Variants in KLF7 observed in about 807,000 individuals in gnomAD.
The protein encoded by KLF7 is Krueppel-like factor 7.
In KLF7, 2 loss-of-function variants were observed where a neutral mutation model predicts 27.3. The observed-to-expected ratio is 0.07, with a 90% CI of 0.03 to 0.23. KLF7 has a LOEUF of 0.23. KLF7 is among the 10% of genes least tolerant of loss of function. The pLI is 1.00. For missense variants in KLF7, 221 were observed against 394.1 expected, an observed-to-expected ratio of 0.56 and a Z score of 3.72; for synonymous variants, 165 against 162.4, an observed-to-expected ratio of 1.02 and a Z score of -0.12.
intron 2 of KLF7, among the ~76,000 whole-genome samples, chr2:207,099,550 C>CTATATATATATATATATATATATATATA (rs1359258095): frequency 1.1e-3 from 24 of 22,840 alleles, no homozygotes; most frequent in South Asian, 3.6e-3. Context: ...GCTACATATG[C>CTATATATATATATATATATATATATATA]GATATATATA....
At chr2:207,085,808 G>A (rs1280265222) in intron 3 of KLF7, among the ~76,000 whole-genome samples, 3 of 152,258 alleles carry the variant, frequency 2.0e-5, no homozygotes, top group South Asian at 2.1e-4. Flanking sequence ...GGGAGTGATG[G>A]GAACAGTGGA....
chr2:207,131,153 T>C (rs1264977384), intron 1 of KLF7, among the ~76,000 whole-genome samples: 1 of 152,202 alleles, frequency 6.6e-6, no homozygotes, highest in East Asian at 1.9e-4. Flanking sequence ...TGAGATCAGA[T>C]CTGGATCTGA....
chr2:207,125,429 T>C (rs1160092070), intron 1 of KLF7, among the ~76,000 whole-genome samples: 1 of 152,216 alleles, frequency 6.6e-6, no homozygotes, highest in Non-Finnish European at 1.5e-5. Context: ...TTGCTCTATC[T>C]TCTGGATTCA....
chr2:207,144,273 G>A (rs558783437), intron 1 of KLF7, among the ~76,000 whole-genome samples: 81 of 152,232 alleles, frequency 5.3e-4, no homozygotes, highest in South Asian at 2.5e-3. Context: ...TCATGTCAAG[G>A]GACTAACCTA....
In KLF7 at chr2:207,124,373, G is replaced by T; in HGVS notation, c.134C>A (p.Thr45Lys). ...GGTCTCTGAGATCCTCCGGGGCTCC[G>T]TCTGTAGGTAGCGTTCCAATTCAAG... ...TCLELERYLQTEPRRISETFG... is the reference protein window; with the variant it reads ...TCLELERYLQKEPRRISETFG... The change falls in exon 2 of 4, where the codon ACG becomes AAG. Residue 45 changes from threonine (T) to lysine (K), a missense_variant. Around this residue, in one of 3 missense-constraint regions of KLF7, gnomAD observed 180 missense variants for 227.9 expected, o/e 0.79. Coordinates refer to ENST00000309446, the MANE Select transcript of KLF7 (RefSeq NM_003709.4). 6.3e-7 allele frequency: 1 copy of T among 1,580,290 alleles called. No individual in the cohort carries two copies. Among genetic ancestry groups the T allele is most frequent in the Non-Finnish European group, 8.6e-7 (1 of 1,158,970 alleles).
intron 1 of KLF7, among the ~76,000 whole-genome samples, chr2:207,146,193 G>A (rs1486092420): frequency 6.6e-6 from 1 of 152,198 alleles, no homozygotes; most frequent in African/African-American, 2.4e-5. Flanking sequence ...GTGTTTTTGA[G>A]ATTCTCCTGT....
At chr2:207,085,954 T>G (rs1288129896) in intron 3 of KLF7, among the ~76,000 whole-genome samples, 3 of 151,228 alleles carry the variant, frequency 2.0e-5, no homozygotes, top group African/African-American at 7.3e-5. Context: ...ACAAACTTTT[T>G]TGTGTGACAT....
intron 1 of KLF7, among the ~76,000 whole-genome samples, chr2:207,145,417 T>A (rs2078072374): frequency 6.6e-6 from 1 of 152,210 alleles, no homozygotes; most frequent in Admixed American, 6.5e-5. Context: ...TATGACAACT[T>A]TTTTGCTTAG....
chr2:207,086,689 G>A (rs74780414), intron 3 of KLF7, among the ~76,000 whole-genome samples: 2,371 of 152,278 alleles, frequency 0.016, 27 homozygotes, highest in Middle Eastern at 0.054. Flanking sequence ...ATCAACTGCT[G>A]GAAGGTTGTA....
upstream of KLF7, chr2:207,167,158 G>A: frequency 7.0e-7 from 1 of 1,438,048 alleles, no homozygotes; most frequent in Non-Finnish European, 9.1e-7. Context: ...CTCCAGCGAG[G>A]TGTCTGCAGA....
intron 2 of KLF7, among the ~76,000 whole-genome samples, chr2:207,102,854 T>C (rs1479796098): frequency 6.6e-6 from 1 of 152,216 alleles, no homozygotes; most frequent in Non-Finnish European, 1.5e-5. Flanking sequence ...TCCTTTGCAA[T>C]TGCTTGTTGA....
chr2:207,102,786 T>G (rs557966520), intron 2 of KLF7, among the ~76,000 whole-genome samples: 1 of 152,118 alleles, frequency 6.6e-6, no homozygotes, highest in Admixed American at 6.5e-5. Flanking sequence ...TAGGTAAGAG[T>G]ATCCCTTGGT....
At chr2:207,167,395 A>G (rs1559178588), upstream of KLF7, 1 of 306,422 alleles carries the variant, frequency 3.3e-6, no homozygotes, top group Non-Finnish European at 6.0e-6. Context: ...TTAAGAGATG[A>G]GAAACTTCGT....
intron 1 of KLF7, among the ~76,000 whole-genome samples, chr2:207,138,899 C>T (rs1420314532): frequency 2.6e-5 from 4 of 152,194 alleles, no homozygotes; most frequent in Non-Finnish European, 5.9e-5. Context: ...GCGATTGCCA[C>T]GAAATTTGGT....
upstream of KLF7, chr2:207,167,142 TG>T: frequency 1.4e-6 from 2 of 1,441,168 alleles, no homozygotes; most frequent in Admixed American, 2.6e-5. Context: ...AGGCTCACCA[TG>T]GGGTCTCCAG....
intron 1 of KLF7, among the ~76,000 whole-genome samples, chr2:207,133,395 C>T (rs2077691099): frequency 2.6e-5 from 4 of 152,168 alleles, no homozygotes; most frequent in Admixed American, 6.5e-5. Context: ...GCAGGAGAGA[C>T]ACTCCAATGG....
intron 1 of KLF7, among the ~76,000 whole-genome samples, chr2:207,160,340 G>A (rs986688343): frequency 2.0e-5 from 3 of 152,222 alleles, no homozygotes; most frequent in Non-Finnish European, 2.9e-5. Context: ...TTCAAGTTAA[G>A]TTGGGGAGCT....
At chr2:207,140,719 GT>G (rs1352626920) in intron 1 of KLF7, among the ~76,000 whole-genome samples, 1 of 152,166 alleles carries the variant, frequency 6.6e-6, no homozygotes, top group Non-Finnish European at 1.5e-5. Flanking sequence ...CATTAAAGTA[GT>G]TGTGTCTATA....
chr2:207,079,084 TTTTTG>T lies in KLF7; in HGVS notation c.*2124_*2128del, dbSNP rs2076226261. The stretch of plus-strand genomic sequence containing the variant: ...TATTTTGTTTTTTTTTTTGTTTTTG[TTTTTG>T]TTTTTTTTGGTCTAAATAGAAAAAA... On this transcript the variant is annotated 3_prime_UTR_variant, in exon 4 of 4. Coordinates refer to ENST00000309446, the MANE Select transcript of KLF7 (RefSeq NM_003709.4). 6.6e-6 allele frequency: 1 copy of T among 151,554 alleles called. No individual in the cohort carries two copies. Among genetic ancestry groups the T allele is most frequent in the Non-Finnish European group, 1.5e-5 (1 of 67,924 alleles). The allele number at this position is 151,554 out of a possible 1,614,324, so 9.4% of individuals were successfully genotyped here.
Sources: allele counts gnomAD v4.1 joint callset (sites outside exome capture counted in the v4.1 genomes callset), GRCh38; gene constraint gnomAD v4.1.1; regional missense constraint gnomAD v4.1.1; transcripts MANE v1.5; gene names NCBI Gene and HGNC (gene_info 2026-07-23, HGNC 2026-07-21).